The following WWOX variants were observed in gnomAD, a reference collection of about 807,000 sequenced individuals.
WWOX encodes the protein WW domain containing oxidoreductase, also known as WW domain-containing oxidoreductase.
A neutral mutation model predicts 46.2 loss-of-function variants in WWOX; 69 were observed. That is an observed-to-expected ratio of 1.49 (90% CI 1.23 to 1.82). WWOX has a LOEUF of 1.82. Among genes scored for constraint, WWOX ranks in the 40% most tolerant of loss-of-function variants. The pLI, the probability that WWOX is intolerant of heterozygous loss-of-function variation, is 0.00. For missense variants in WWOX, 919 were observed against 542.6 expected (o/e 1.69, Z -6.89); for synonymous variants, 359 against 202.6 (o/e 1.77, Z -6.56).
intron 5 of WWOX, among the ~76,000 whole-genome samples, chr16:78,194,587 C>CAAAAAAAA (rs368008924): frequency 3.0e-5 from 3 of 98,544 alleles, no homozygotes; most frequent in Non-Finnish European, 6.3e-5. Context: ...GACTCCATCT[C>CAAAAAAAA]AAAAAAAAAA....
chr16:78,620,775 G>A (rs897559170), intron 8 of WWOX, among the ~76,000 whole-genome samples: 1 of 152,108 alleles, frequency 6.6e-6, no homozygotes, highest in African/African-American at 2.4e-5. Context: ...CTGCTGGCAA[G>A]TGTGTCAAAT....
chr16:78,849,827 C>A (rs911984877), intron 8 of WWOX, among the ~76,000 whole-genome samples: 1 of 151,994 alleles, frequency 6.6e-6, no homozygotes. Context: ...AATCCCAGCA[C>A]TTTGGGAGGC....
chr16:79,178,943 A>G (rs2050856094), intron 8 of WWOX, among the ~76,000 whole-genome samples: 1 of 152,210 alleles, frequency 6.6e-6, no homozygotes, highest in Admixed American at 6.5e-5. Flanking sequence ...CCCATTGACT[A>G]TGCAGGACCT....
At chr16:78,583,257 A>G (rs2045108969) in intron 8 of WWOX, among the ~76,000 whole-genome samples, 1 of 152,188 alleles carries the variant, frequency 6.6e-6, no homozygotes, top group Admixed American at 6.5e-5. Flanking sequence ...GCAGTGCTGA[A>G]GGAACAACTG....
At chr16:78,637,011 G>C (rs1597378970) in intron 8 of WWOX, among the ~76,000 whole-genome samples, 2 of 152,210 alleles carry the variant, frequency 1.3e-5, no homozygotes, top group African/African-American at 4.8e-5. Flanking sequence ...ATTTGAGACA[G>C]GTTGAGGGTT....
Position 79,026,377 on chromosome 16 carries a change from C to G in WWOX, c.1057-185231C>G, listed in dbSNP as rs530599777. On this transcript the variant is annotated intron_variant, in intron 8 of 8. Coordinates refer to ENST00000566780, the MANE Select transcript of WWOX (RefSeq NM_016373.4). ...GATCTCAGCTCACACATCACATCTT[C>G]TGAGATACCTTCCAGACTCCCCTGG... Among the ~76,000 whole-genome samples the G allele has an allele frequency of 7.4e-4, 112 of 151,818 alleles. 3 individuals are homozygous for G. Among genetic ancestry groups the G allele is most frequent in the African/African-American group, 1.9e-3 (79 of 41,122 alleles).
At chr16:78,799,596 A>G (rs963668160) in intron 8 of WWOX, among the ~76,000 whole-genome samples, 1 of 136,972 alleles carries the variant, frequency 7.3e-6, no homozygotes, top group Non-Finnish European at 1.5e-5. Flanking sequence ...AAGCCGAGGG[A>G]CTTGGCCAAG....
intron 8 of WWOX, among the ~76,000 whole-genome samples, chr16:78,694,253 G>C (rs937083455): frequency 2.0e-5 from 3 of 152,130 alleles, no homozygotes; most frequent in Non-Finnish European, 4.4e-5. Flanking sequence ...AAATGGTACA[G>C]TCAGAGGTTA....
At chr16:78,863,133 T>C (rs1038671668) in intron 8 of WWOX, among the ~76,000 whole-genome samples, 2 of 152,008 alleles carry the variant, frequency 1.3e-5, no homozygotes, top group South Asian at 2.1e-4. Flanking sequence ...AATTTTTGTA[T>C]TTTTAATAGA....
intron 8 of WWOX, among the ~76,000 whole-genome samples, chr16:79,089,244 A>G (rs1011803255): frequency 2.6e-5 from 4 of 152,040 alleles, no homozygotes; most frequent in African/African-American, 9.7e-5. Flanking sequence ...TCATCTCACA[A>G]GATTTTTGTA....
At chr16:79,204,371 A>AT (rs1396420981) in intron 8 of WWOX, 1 of 152,136 alleles carries the variant, frequency 6.6e-6, no homozygotes, top group African/African-American at 2.4e-5. Flanking sequence ...AATGACCCAC[A>AT]TGGATTGCCT....
intron 8 of WWOX, among the ~76,000 whole-genome samples, chr16:78,824,824 G>A (rs895315841): frequency 4.6e-5 from 7 of 152,096 alleles, no homozygotes; most frequent in Non-Finnish European, 8.8e-5. Context: ...TGAGATTTGG[G>A]TGGAGACACA....
In WWOX at chr16:78,421,518, C is replaced by A. The variant is rs140161800; in HGVS notation, c.606-3352C>A. On this transcript the variant is annotated intron_variant, in intron 6 of 8. Transcript: ENST00000566780. ...GGACTTAATCACATTTGCGAAGACC[C>A]TTTTTCCAAATAAGGTCGCATTCAC... 3.5e-3 allele frequency among the ~76,000 whole-genome samples: 530 copies of A among 152,246 alleles called. 3 individuals carry two copies. Among genetic ancestry groups the A allele is most frequent in the Middle Eastern group, 0.014 (4 of 294 alleles).
chr16:78,466,713 C>T lies in WWOX; in HGVS notation c.1056+33961C>T, dbSNP rs1268707633. Among the ~76,000 whole-genome samples, 15 of 152,048 alleles carry T rather than the reference C, an allele frequency of 9.9e-5. No homozygotes were observed. In the South Asian group the frequency reaches 1.0e-3, roughly 11 times the overall value. Reference sequence around the variant, plus strand: ...AAATACAAAAATTAGCCAGGCTTGGCGCTGGGTTTCTGTAATCCCAGCTAC... The same window carrying T: ...AAATACAAAAATTAGCCAGGCTTGGTGCTGGGTTTCTGTAATCCCAGCTAC... On this transcript the variant is annotated intron_variant, in intron 8 of 8. Coordinates refer to ENST00000566780, the MANE Select transcript of WWOX (RefSeq NM_016373.4).
At chr16:78,792,151 G>C (rs1349291350) in intron 8 of WWOX, among the ~76,000 whole-genome samples, 1 of 152,094 alleles carries the variant, frequency 6.6e-6, no homozygotes, top group Non-Finnish European at 1.5e-5. Flanking sequence ...TTAGACCTCA[G>C]TGGCCCGCAG....
intron 5 of WWOX, among the ~76,000 whole-genome samples, chr16:78,331,068 C>T (rs1360099558): frequency 2.0e-5 from 3 of 151,984 alleles, no homozygotes; most frequent in Non-Finnish European, 4.4e-5. Flanking sequence ...TGTTTCTGCC[C>T]CCCAAAAGAT....
chr16:78,328,458 C>T (rs1295421173), intron 5 of WWOX, among the ~76,000 whole-genome samples: 4 of 152,086 alleles, frequency 2.6e-5, no homozygotes, highest in African/African-American at 7.2e-5. Flanking sequence ...TTTGGATGAG[C>T]TGTTTAATTT....
chr16:79,044,433 TAGTG>T (rs1307852596), intron 8 of WWOX, among the ~76,000 whole-genome samples: 41 of 152,142 alleles, frequency 2.7e-4, no homozygotes, highest in Admixed American at 2.6e-3. Flanking sequence ...GTCCTCACGA[TAGTG>T]AGTGAGTTGT....
intron 8 of WWOX, among the ~76,000 whole-genome samples, chr16:78,793,081 T>C (rs1356854306): frequency 6.6e-6 from 1 of 152,182 alleles, no homozygotes; most frequent in Non-Finnish European, 1.5e-5. Flanking sequence ...CTATATCTAA[T>C]CTATTTTTTG....
Sources: allele counts gnomAD v4.1 joint callset (sites outside exome capture counted in the v4.1 genomes callset), GRCh38; gene constraint gnomAD v4.1.1; transcripts MANE v1.5; gene names NCBI Gene and HGNC (gene_info 2026-07-23, HGNC 2026-07-21).